The following MYO18B variants were observed in gnomAD, a reference collection of about 807,000 sequenced individuals.
The protein encoded by MYO18B is unconventional myosin-XVIIIb.
In MYO18B, 204 loss-of-function variants were observed where a neutral mutation model predicts 273.0. That is an observed-to-expected ratio of 0.75 (90% CI 0.67 to 0.84). MYO18B has a LOEUF of 0.84. MYO18B is among the 40% of genes least tolerant of loss of function. MYO18B has a pLI of 0.00. For synonymous variants in MYO18B, 1,330 were observed against 1,305.7 expected, an observed-to-expected ratio of 1.02 and a Z score of -0.40; for missense variants, 3,212 against 3,287.6, an observed-to-expected ratio of 0.98 and a Z score of 0.56.
chr22:25,798,059 C>A lies in MYO18B; in HGVS notation c.2483C>A (p.Ala828Glu). 1.2e-6 allele frequency: 2 copies of A among 1,611,642 alleles called. No homozygotes were observed. The highest frequency in any genetic ancestry group is 1.7e-6 in the Non-Finnish European group (2 of 1,177,942). The change falls in exon 12 of 44, where the codon GCA (alanine) becomes GAA (glutamate). Residue 828 changes from alanine to glutamate, a missense_variant. Transcript: ENST00000335473. ...CAGCGGGCTGTTTGGCGGGTCCTGG[C>A]AGCCATCTACCACCTGGGTGCGGCG... The part of the protein sequence containing the change: ...SEQRAVWRVL[A>E]AIYHLGAAGA...
Position 25,891,368 on chromosome 22 carries a change from A to C in MYO18B, c.4499A>C (p.Gln1500Pro). ...AATAAACAGTTGGAAGAAGCCCAGC[A>C]GAAAATTCAGTTGAATGACTTGGAA... Reference protein sequence around the residue: ...DVNKQLEEAQQKIQLNDLERN... With the variant: ...DVNKQLEEAQPKIQLNDLERN... The change falls in exon 27 of 44, where the codon CAG (glutamine) becomes CCG (proline). Residue 1500 changes from glutamine to proline, a missense_variant. Gln to Pro is a moderately conservative substitution (Grantham distance 76). Transcript: ENST00000335473. The C allele has an allele frequency of 6.3e-7, 1 of 1,586,398 alleles. No individual in the cohort carries two copies. The highest frequency in any genetic ancestry group is 1.3e-5 in the African/African-American group (1 of 74,490).
intron 21 of MYO18B, among the ~76,000 whole-genome samples, chr22:25,852,648 A>G (rs1158221083): frequency 2.0e-5 from 3 of 152,256 alleles, no homozygotes; most frequent in Non-Finnish European, 4.4e-5. Flanking sequence ...CTCCATTTAC[A>G]AAAGAGAACA....
chr22:25,972,440 C>T (rs1447562578), intron 39 of MYO18B, among the ~76,000 whole-genome samples: 1 of 152,210 alleles, frequency 6.6e-6, no homozygotes. Flanking sequence ...TCTTCAATTT[C>T]GTGTGACTTA....
rs575804978 is a variant in MYO18B, at chr22:25,777,622, G to C, written c.1909G>C (p.Gly637Arg). 6.8e-6 allele frequency: 11 copies of C among 1,607,050 alleles called. No individual in the cohort carries two copies. In the East Asian group the frequency reaches 2.5e-4, roughly 36 times the overall value. ...CCGGGATGGCCTGCCTGCCCACATTGGCTCCATGGCACAGCGGGCATACTG... is the reference window on the plus strand; with the variant it reads ...CCGGGATGGCCTGCCTGCCCACATTCGCTCCATGGCACAGCGGGCATACTG... ...GRRDGLPAHI[G>R]SMAQRAYWAL... The change falls in exon 8 of 44, where the codon GGC becomes CGC. Residue 637 changes from glycine (G) to arginine (R), a missense_variant. Gly to Arg is a moderately radical substitution (Grantham distance 125). Transcript: ENST00000335473.
intron 26 of MYO18B, 53 bp from the exon 27 acceptor site, chr22:25,891,251 C>T (rs1385039900): frequency 6.9e-6 from 9 of 1,306,186 alleles, no homozygotes; most frequent in Non-Finnish European, 9.7e-6. Context: ...GTAAGATGAC[C>T]AGCCCATGTC....
chr22:25,968,141 C>G (rs1200851102), intron 39 of MYO18B, among the ~76,000 whole-genome samples: 1 of 152,258 alleles, frequency 6.6e-6, no homozygotes, highest in South Asian at 2.1e-4. Flanking sequence ...GCCCCTTCCA[C>G]CCAGCGGCTC....
At chr22:26,041,277 G>A in the MYO18B span, among the ~76,000 whole-genome samples, 1 of 148,806 alleles carries the variant, frequency 6.7e-6, no homozygotes, top group East Asian at 1.9e-4. Context: ...TACTTTGGGA[G>A]GCTAAAGTTG....
chr22:25,946,421 A>C (rs553040995), intron 35 of MYO18B, among the ~76,000 whole-genome samples, 171 bp downstream of exon 35: 1 of 152,142 alleles, frequency 6.6e-6, no homozygotes, highest in East Asian at 2.0e-4. Context: ...TTATGTGCTC[A>C]GCTCTGTAAG....
chr22:26,059,518 T>C, the MYO18B span, among the ~76,000 whole-genome samples: 1 of 152,202 alleles, frequency 6.6e-6, no homozygotes, highest in Non-Finnish European at 1.5e-5. Context: ...TGTCAAAATT[T>C]AGAACCAAGC....
intron 21 of MYO18B, among the ~76,000 whole-genome samples, chr22:25,859,912 C>T (rs904619692): frequency 1.3e-5 from 2 of 152,140 alleles, no homozygotes; most frequent in Admixed American, 6.5e-5. Flanking sequence ...GCTTTACCTA[C>T]CCCTCGGTTA....
intron 20 of MYO18B, among the ~76,000 whole-genome samples, chr22:25,849,915 A>G (rs571152368): frequency 6.6e-6 from 1 of 152,366 alleles, no homozygotes; most frequent in Non-Finnish European, 1.5e-5. Context: ...GACCATGTGA[A>G]GATAGATCTT....
chr22:26,010,641 T>C (rs1305074966), intron 42 of MYO18B, among the ~76,000 whole-genome samples: 2 of 152,114 alleles, frequency 1.3e-5, no homozygotes, highest in Admixed American at 1.3e-4. Flanking sequence ...CAAGTTGGTG[T>C]TTAATAAGCA....
In MYO18B at chr22:25,763,307, A is replaced by T; in HGVS notation, c.116A>T (p.Lys39Met). ...TCTGTCATCCCAGGGGGCTTCATTA[A>T]GCAACTGGTCCGGGGGACTGAAAAA... ...LFSVIPGGFI[K>M]QLVRGTEKEA... The change falls in exon 3 of 44, where the codon AAG (lysine) becomes ATG (methionine). Residue 39 changes from lysine (K) to methionine (M), a missense_variant. Lys to Met is a moderately conservative substitution (Grantham distance 95). Transcript: ENST00000335473. 1 of 1,613,234 alleles carries T rather than the reference A, an allele frequency of 6.2e-7. No individual in the cohort carries two copies. The highest frequency in any genetic ancestry group is 8.5e-7 in the Non-Finnish European group (1 of 1,179,712).
chr22:25,837,880 T>A (rs760316371), intron 17 of MYO18B, among the ~76,000 whole-genome samples: 44 of 152,328 alleles, frequency 2.9e-4, no homozygotes, highest in African/African-American at 9.6e-4. Flanking sequence ...TTCATTTTTT[T>A]AAATTTTAAG....
At chr22:25,764,519 C>T (rs975669223) in intron 3 of MYO18B, among the ~76,000 whole-genome samples, 5 of 152,222 alleles carry the variant, frequency 3.3e-5, no homozygotes, top group Non-Finnish European at 5.9e-5. Flanking sequence ...CTTCCTTCCC[C>T]TCCCCTTCAG....
At chr22:25,853,289 G>A (rs2090476623) in intron 21 of MYO18B, among the ~76,000 whole-genome samples, 1 of 152,236 alleles carries the variant, frequency 6.6e-6, no homozygotes, top group Non-Finnish European at 1.5e-5. Flanking sequence ...GAATGAGTCA[G>A]AAGACTAGAT....
intron 34 of MYO18B, among the ~76,000 whole-genome samples, chr22:25,940,725 G>A (rs1310279485): frequency 1.3e-5 from 2 of 152,122 alleles, no homozygotes; most frequent in East Asian, 3.9e-4. Flanking sequence ...TTACCCCTGT[G>A]AACTCCAGGC....
rs2087079037 is a variant in MYO18B, at chr22:25,780,170, C to T, written c.2183C>T (p.Thr728Ile). The T allele has an allele frequency of 6.2e-6, 10 of 1,606,172 alleles. No homozygotes were observed. The highest frequency in any genetic ancestry group is 2.2e-5 in the East Asian group (1 of 44,690). The change falls in exon 9 of 44, where the codon ACA becomes ATA. Residue 728 changes from threonine (T) to isoleucine (I), a missense_variant. By Grantham distance (89) the Thr-to-Ile change is moderately conservative (BLOSUM62 -1). Transcript: ENST00000335473. ...SMVMSLDFNA[T>I]GRITAAQLQT... ...GTGATGTCGCTGGACTTCAACGCTA[C>T]AGGCCGCATCACAGCTGCTCAGCTC...
intron 15 of MYO18B, among the ~76,000 whole-genome samples, chr22:25,831,325 C>G (rs8137635): frequency 0.28 from 43,128 of 152,150 alleles, 6,979 homozygotes; most frequent in Non-Finnish European, 0.36. Context: ...GCTTTATAAA[C>G]AATACTGCAG....
Sources: gnomAD v4.1 joint callset for allele counts (sites outside exome capture counted in the v4.1 genomes callset) on GRCh38, gnomAD v4.1.1 for gene constraint, MANE v1.5 for transcripts, NCBI Gene and HGNC (gene_info 2026-07-23, HGNC 2026-07-21) for gene names.